The following SEC23A variants were observed in gnomAD, a reference collection of about 807,000 sequenced individuals.
SEC23A encodes the protein SEC23 homolog A, COPII component, also known as protein transport protein Sec23A.
SEC23A carries 56 observed loss-of-function variants against 103.7 expected under a neutral mutation model. The ratio of observed to expected loss-of-function variants is 0.54; its 90% confidence interval spans 0.44 to 0.67. The LOEUF (loss-of-function observed/expected upper bound fraction) is 0.67, where lower values mean the gene tolerates loss of function less well. Ranked by LOEUF, SEC23A falls within the 30% of genes least tolerant of loss-of-function variation. The pLI, the probability that SEC23A is intolerant of heterozygous loss-of-function variation, is 0.00. For synonymous variants in SEC23A, 281 were observed against 293.0 expected, an observed-to-expected ratio of 0.96 and a Z score of 0.42; for missense variants, 784 against 936.4, an observed-to-expected ratio of 0.84 and a Z score of 2.12.
At chr14:39,077,363 G>A (rs1887069508) in intron 7 of SEC23A, among the ~76,000 whole-genome samples, 1 of 150,832 alleles carries the variant, frequency 6.6e-6, no homozygotes, top group African/African-American at 2.4e-5. Context: ...CCAATATGGT[G>A]AAAACCCATC....
At chr14:39,090,175 C>G (rs1204936675) in intron 5 of SEC23A, among the ~76,000 whole-genome samples, 1 of 152,118 alleles carries the variant, frequency 6.6e-6, no homozygotes, top group Non-Finnish European at 1.5e-5. Flanking sequence ...TTTGGTCTAC[C>G]TGGAAGCCTC....
Position 39,096,009 on chromosome 14 carries a change from G to A in SEC23A, c.110C>T (p.Pro37Leu), listed in dbSNP as rs1026801129. ...CAGTGGTGTAAACAGGGCTGCCACA[G>A]GAACAACCATTCTTGTAGCTTCCAG... ...SRLEATRMVV[P>L]VAALFTPLKE... The change falls in exon 2 of 20, where the codon CCT becomes CTT. Residue 37 changes from proline to leucine, a missense_variant. Transcript: ENST00000307712. The A allele has an allele frequency of 1.2e-6, 2 of 1,613,998 alleles. No individual in the cohort carries two copies. The highest frequency in any genetic ancestry group is 1.7e-6 in the Non-Finnish European group (2 of 1,179,902).
chr14:39,078,197 G>A (rs1204069639), intron 7 of SEC23A, among the ~76,000 whole-genome samples: 1 of 152,056 alleles, frequency 6.6e-6, no homozygotes, highest in Non-Finnish European at 1.5e-5. Context: ...CGATGCTGCA[G>A]TCAACCATGA....
intron 17 of SEC23A, among the ~76,000 whole-genome samples, chr14:39,041,591 C>T (rs979221021): frequency 1.3e-5 from 2 of 151,546 alleles, no homozygotes; most frequent in South Asian, 2.1e-4. Flanking sequence ...CTGGGTAGGT[C>T]GGGCGCGATG....
At chr14:39,066,126 T>C (rs1422733627) in intron 10 of SEC23A, among the ~76,000 whole-genome samples, 1 of 152,056 alleles carries the variant, frequency 6.6e-6, no homozygotes, top group Non-Finnish European at 1.5e-5. Context: ...TTTTATAATT[T>C]ACCATTATGT....
At chr14:39,092,365 A>G (rs567399983) in intron 4 of SEC23A, among the ~76,000 whole-genome samples, 176 bp downstream of exon 4, 8 of 152,328 alleles carry the variant, frequency 5.3e-5, no homozygotes, top group South Asian at 2.1e-4. Flanking sequence ...CACCCATCAA[A>G]TAAGTACAAC....
intron 2 of SEC23A, among the ~76,000 whole-genome samples, chr14:39,094,197 CATATAT>C (rs370615822): frequency 2.8e-5 from 4 of 142,446 alleles, no homozygotes; most frequent in Non-Finnish European, 6.1e-5. Flanking sequence ...TATACATATA[CATATAT>C]ATATATGCAT....
At chr14:39,059,758 T>C (rs1886404591) in intron 13 of SEC23A, among the ~76,000 whole-genome samples, 2 of 152,132 alleles carry the variant, frequency 1.3e-5, no homozygotes, top group Admixed American at 1.3e-4. Context: ...AAAATTTTCT[T>C]ATATAGCTCC....
At chr14:39,056,058 G>C (rs186291600) in intron 13 of SEC23A, among the ~76,000 whole-genome samples, 2 of 152,250 alleles carry the variant, frequency 1.3e-5, no homozygotes, top group African/African-American at 4.8e-5. Flanking sequence ...ATAAGCCTGA[G>C]TTATGAACCT....
chr14:39,101,084 T>C (rs12894046), intron 1 of SEC23A, among the ~76,000 whole-genome samples: 33,084 of 151,928 alleles, frequency 0.22, 4,054 homozygotes, highest in Middle Eastern at 0.36. Flanking sequence ...CCTCAGGTGA[T>C]TGGCCTGCCT....
At chr14:39,075,125 A>G (rs1886972494) in intron 8 of SEC23A, among the ~76,000 whole-genome samples, 1 of 152,136 alleles carries the variant, frequency 6.6e-6, no homozygotes, top group East Asian at 1.9e-4. Flanking sequence ...AGAAAGAAAA[A>G]CAACAGAGAA....
chr14:39,047,043 A>C (rs1422776594), intron 15 of SEC23A, among the ~76,000 whole-genome samples: 1 of 152,232 alleles, frequency 6.6e-6, no homozygotes, highest in Admixed American at 6.5e-5. Context: ...TACTCACAGA[A>C]ATGACCAATT....
intron 15 of SEC23A, 44 bp downstream of exon 15, chr14:39,048,608 G>GA (rs755349404): frequency 6.8e-5 from 87 of 1,273,122 alleles, no homozygotes; most frequent in Non-Finnish European, 8.6e-5. Flanking sequence ...TCTAAAAAAG[G>GA]AAAAAAAAGA....
At chr14:39,090,961 G>A in intron 5 of SEC23A, 1 of 334,132 alleles carries the variant, frequency 3.0e-6, no homozygotes, top group Non-Finnish European at 5.7e-6. Flanking sequence ...TGGTGGACCT[G>A]CTCCAACAGT....
chr14:39,101,043 C>A (rs1566520117), intron 1 of SEC23A, among the ~76,000 whole-genome samples: 1 of 151,854 alleles, frequency 6.6e-6, no homozygotes, highest in Non-Finnish European at 1.5e-5. Flanking sequence ...GGGGTTTCAC[C>A]ACGTTGGCCA....
intron 1 of SEC23A, among the ~76,000 whole-genome samples, chr14:39,099,113 T>C (rs1887992163): frequency 6.7e-6 from 1 of 149,344 alleles, no homozygotes; most frequent in East Asian, 2.0e-4. Context: ...TTGCCAATGA[T>C]AAAAATTTGA....
chr14:39,091,094 T>C (rs1019070559), intron 5 of SEC23A: 2 of 411,946 alleles, frequency 4.9e-6, no homozygotes, highest in East Asian at 1.3e-4. Flanking sequence ...TTTGGTCTTT[T>C]TGACTAAACC....
chr14:39,102,455 C>A (rs1888137837), intron 1 of SEC23A, among the ~76,000 whole-genome samples: 1 of 152,202 alleles, frequency 6.6e-6, no homozygotes, highest in Non-Finnish European at 1.5e-5. Context: ...TTTACTATGA[C>A]CTTCCTCAGG....
At chr14:39,052,309 A>C (rs1447590083) in intron 14 of SEC23A, among the ~76,000 whole-genome samples, 2 of 152,148 alleles carry the variant, frequency 1.3e-5, no homozygotes, top group South Asian at 2.1e-4. Context: ...CTGAACTTAA[A>C]AGTTGAAAAA....
Sources: allele counts gnomAD v4.1 joint callset (sites outside exome capture counted in the v4.1 genomes callset), GRCh38; gene constraint gnomAD v4.1.1; transcripts MANE v1.5; gene names NCBI Gene and HGNC (gene_info 2026-07-23, HGNC 2026-07-21).